The following HSH2D variants were observed in gnomAD, a reference collection of about 807,000 sequenced individuals.
HSH2D encodes the protein hematopoietic SH2 domain containing, also known as hematopoietic SH2 domain-containing protein.
Under a neutral mutation model 21.5 loss-of-function variants are expected in HSH2D, and 16 were observed. The observed-to-expected ratio is 0.74, with a 90% confidence interval of 0.50 to 1.13. HSH2D has a LOEUF of 1.13. Among genes scored for constraint, HSH2D ranks in the 50% most tolerant of loss-of-function variants. The pLI, the probability that HSH2D is intolerant of heterozygous loss-of-function variation, is 0.00. For synonymous variants in HSH2D, 172 were observed against 184.7 expected (o/e 0.93, Z 0.56); for missense variants, 418 against 441.4 (o/e 0.95, Z 0.47).
intron 1 of HSH2D, among the ~76,000 whole-genome samples, chr19:16,146,132 C>G (rs557656722): frequency 6.6e-6 from 1 of 151,494 alleles, no homozygotes; most frequent in African/African-American, 2.4e-5. Flanking sequence ...AAGGAACTAT[C>G]TAGCAAGATA....
In HSH2D at chr19:16,157,320, T is replaced by G; in HGVS notation, c.585T>G (p.Pro195=). The change falls in exon 6 of 6, where the codon CCT becomes CCG. Residue 195 remains proline, a synonymous_variant. Coordinates refer to ENST00000613986, the MANE Select transcript of HSH2D (RefSeq NM_001382417.1). The surrounding 1 kb of genome is among the most constrained non-coding windows in gnomAD (Gnocchi z 4.4). ...EATSSCPPKS[P]LGETRQKLWR... is the part of the protein sequence containing the mutation. ...CTTCCTCCTGCCCCCCAAAATCCCC[T>G]CTTGGAGAGACCCGCCAGAAACTCT... The G allele has an allele frequency of 6.2e-7, 1 of 1,613,500 alleles. No homozygotes were observed. The highest frequency in any genetic ancestry group is 8.5e-7 in the Non-Finnish European group (1 of 1,179,780).
At chr19:16,148,213 A>G (rs2091098733) in intron 1 of HSH2D, among the ~76,000 whole-genome samples, 1 of 151,872 alleles carries the variant, frequency 6.6e-6, no homozygotes, top group Non-Finnish European at 1.5e-5. Flanking sequence ...CAGTGGCATG[A>G]TCTTGGCTCA....
upstream of HSH2D, among the ~76,000 whole-genome samples, chr19:16,141,418 G>T (rs1008726268): frequency 5.3e-5 from 8 of 152,202 alleles, no homozygotes; most frequent in African/African-American, 1.9e-4. Flanking sequence ...AAGTAGTTTT[G>T]TTTGTCTGCC....
At position 16,156,146 on chromosome 19, in the gene HSH2D, G is replaced by A. The variant is rs190518993; in HGVS notation, c.475-1064G>A. ...AGAGGAGAGGATTGCTTGAGGCCAGGACTTTGAGACCAGCCTGGGCAACAC... is the reference window on the plus strand; with the variant it reads ...AGAGGAGAGGATTGCTTGAGGCCAGAACTTTGAGACCAGCCTGGGCAACAC... On this transcript the variant is annotated intron_variant, in intron 5 of 5. Coordinates refer to ENST00000613986, the MANE Select transcript of HSH2D (RefSeq NM_001382417.1). Among the ~76,000 whole-genome samples the A allele has an allele frequency of 2.6e-3, 396 of 152,066 alleles. 2 individuals are homozygous for A. Among genetic ancestry groups the A allele is most frequent in the African/African-American group, 9.3e-3 (384 of 41,502 alleles).
In HSH2D at chr19:16,157,787, A is replaced by T; in HGVS notation, c.1052A>T (p.Tyr351Phe). 6.3e-7 allele frequency: 1 copy of T among 1,596,794 alleles called. No homozygotes were observed. Among genetic ancestry groups the T allele is most frequent in the South Asian group, 1.1e-5 (1 of 89,512 alleles). The change falls in exon 6 of 6, where the codon TAC becomes TTC. Residue 351 changes from tyrosine (Y) to phenylalanine (F), a missense_variant. By Grantham distance (22) the Tyr-to-Phe change is conservative (BLOSUM62 3). Coordinates refer to ENST00000613986, the MANE Select transcript of HSH2D (RefSeq NM_001382417.1). This position sits in a 1 kb window ranked among gnomAD's most constrained non-coding sequence, Gnocchi z 4.4. ...CAACCGCCACCCTTTGCCCCTGGGT[A>T]CTGCTAGAGAACAGGTCCACCCTGG... ...YQQPPPFAPG[Y>F]C
upstream of HSH2D, among the ~76,000 whole-genome samples, chr19:16,142,788 CG>C (rs34883332): frequency 6.8e-6 from 1 of 147,278 alleles, no homozygotes; most frequent in East Asian, 2.0e-4. Flanking sequence ...GTTTGTTTTG[CG>C]GGGGACAGAA....
upstream of HSH2D, among the ~76,000 whole-genome samples, chr19:16,140,695 C>G (rs1157042058): frequency 2.6e-5 from 4 of 151,970 alleles, no homozygotes; most frequent in Admixed American, 2.0e-4. Flanking sequence ...CGAGACCAAC[C>G]TGGCAACATG....
At chr19:16,143,373 C>T (rs964328821), upstream of HSH2D, among the ~76,000 whole-genome samples, 1 of 152,138 alleles carries the variant, frequency 6.6e-6, no homozygotes, top group African/African-American at 2.4e-5. Context: ...TGTGAGCCAC[C>T]GCACCCGTTC....
At chr19:16,153,004 G>A (rs944031593) in intron 3 of HSH2D, 39 bp from the exon 4 acceptor site, 3 of 1,592,330 alleles carry the variant, frequency 1.9e-6, no homozygotes, top group Non-Finnish European at 2.6e-6. Flanking sequence ...CAGGGATGAG[G>A]GGGAGTAGGA....
intron 1 of HSH2D, among the ~76,000 whole-genome samples, chr19:16,146,594 C>T (rs1206628133): frequency 2.0e-5 from 3 of 151,992 alleles, no homozygotes; most frequent in Non-Finnish European, 4.4e-5. Context: ...GGGAGGATTG[C>T]TTGAGCCTAG....
Position 16,157,344 on chromosome 19 carries a change from C to G in HSH2D, c.609C>G (p.Leu203=). The change falls in exon 6 of 6, where the codon CTC becomes CTG. Residue 203 remains leucine, a synonymous_variant. Transcript: ENST00000613986. The surrounding 1 kb of genome is among the most constrained non-coding windows in gnomAD (Gnocchi z 4.4). ...CTCTTGGAGAGACCCGCCAGAAACT[C>G]TGGAGGAGCCTCAAAATGCTCCCCG... ...KSPLGETRQK[L]WRSLKMLPER... 1 of 1,613,948 alleles carries G rather than the reference C, an allele frequency of 6.2e-7. No individual in the cohort carries two copies. Among genetic ancestry groups the G allele is most frequent in the Non-Finnish European group, 8.5e-7 (1 of 1,179,864 alleles).
chr19:16,154,103 G>T lies in HSH2D; in HGVS notation c.382-296G>T, dbSNP rs190214771. ...TAGGACTCAGTGGGCCTGACCTAGCGCCCAAGAAACTGTTGTGGGCGGGGC... is the reference window on the plus strand; with the variant it reads ...TAGGACTCAGTGGGCCTGACCTAGCTCCCAAGAAACTGTTGTGGGCGGGGC... On this transcript the variant is annotated intron_variant, in intron 4 of 5. Coordinates refer to ENST00000613986, the MANE Select transcript of HSH2D (RefSeq NM_001382417.1). Among the ~76,000 whole-genome samples, 306 of 112,416 alleles carry T rather than the reference G, an allele frequency of 2.7e-3. 2 individuals are homozygous for T. The highest frequency in any genetic ancestry group is 9.2e-3 in the African/African-American group (296 of 32,320). The allele number at this position is 112,416 out of a possible 152,430, so 73.7% of individuals were successfully genotyped here.
At chr19:16,146,333 CGTT>C (rs1344598627) in intron 1 of HSH2D, among the ~76,000 whole-genome samples, 5 of 152,038 alleles carry the variant, frequency 3.3e-5, no homozygotes. Context: ...CGTGTAGTGA[CGTT>C]GGTGGCAGAA....
chr19:16,148,981 G>T lies in HSH2D; in HGVS notation c.125+106G>T. 4 of 1,276,928 alleles carry T rather than the reference G, an allele frequency of 3.1e-6. No homozygotes were observed. In the East Asian group the frequency reaches 9.9e-5, roughly 31 times the overall value. 79.1% of individuals were successfully genotyped at this position (1,276,928 alleles called of 1,614,324 possible). ...AGAATTCTGGACTTGGCTCAGCTCA[G>T]TGTGGCAAGAGGCTAAAATGAGCTC... On this transcript the variant is annotated intron_variant, in intron 2 of 5. Coordinates refer to ENST00000613986, the MANE Select transcript of HSH2D (RefSeq NM_001382417.1).
rs1254368415 is a variant in HSH2D, at chr19:16,153,146, A to G, written c.319A>G (p.Thr107Ala). 3.2e-6 allele frequency: 5 copies of G among 1,583,584 alleles called. No homozygotes were observed. Among genetic ancestry groups the G allele is most frequent in the Non-Finnish European group, 4.3e-6 (5 of 1,166,102 alleles). Reference protein sequence around the residue: ...VAHTSLDALVTFHQQKPIEPR... With the variant: ...VAHTSLDALVAFHQQKPIEPR... The stretch of plus-strand genomic sequence containing the variant: ...CCACACCTCGCTGGACGCCCTGGTC[A>G]CCTTCCACCAGCAGAAGCCAATTGA... The change falls in exon 4 of 6, where the codon ACC (threonine) becomes GCC (alanine). Residue 107 changes from threonine (T) to alanine (A), a missense_variant. By Grantham distance (58) the Thr-to-Ala change is moderately conservative. Coordinates refer to ENST00000613986, the MANE Select transcript of HSH2D (RefSeq NM_001382417.1).
chr19:16,155,407 CA>C (rs2091224121), intron 5 of HSH2D, among the ~76,000 whole-genome samples: 1 of 151,874 alleles, frequency 6.6e-6, no homozygotes, highest in African/African-American at 2.4e-5. Flanking sequence ...ATGGCACTTG[CA>C]AAAGTCCTGG....
intron 2 of HSH2D, among the ~76,000 whole-genome samples, chr19:16,151,284 C>T (rs1484244686): frequency 2.1e-5 from 3 of 142,338 alleles, no homozygotes; most frequent in Non-Finnish European, 3.0e-5. Flanking sequence ...AAGATTGCAT[C>T]ATTGCACTCC....
rs2091259180 is a variant in HSH2D, at chr19:16,157,908, C to T, written c.*114C>T. 6 of 740,070 alleles carry T rather than the reference C, an allele frequency of 8.1e-6. No homozygotes were observed. Among genetic ancestry groups the T allele is most frequent in the South Asian group, 3.8e-5 (2 of 53,168 alleles). 45.8% of individuals were successfully genotyped at this position (740,070 alleles called of 1,614,324 possible). ...TGGCATCCGGGGGTCTTCGGGAACCCGGGAAATGGAATAAAGATGTTTTTG... is the reference window on the plus strand; with the variant it reads ...TGGCATCCGGGGGTCTTCGGGAACCTGGGAAATGGAATAAAGATGTTTTTG... On this transcript the variant is annotated 3_prime_UTR_variant, in exon 6 of 6. Coordinates refer to ENST00000613986, the MANE Select transcript of HSH2D (RefSeq NM_001382417.1). The surrounding 1 kb of genome is among the most constrained non-coding windows in gnomAD (Gnocchi z 4.4).
chr19:16,143,833 C>A, intron 1 of HSH2D, 59 bp downstream of exon 1: 1 of 374,932 alleles, frequency 2.7e-6, no homozygotes. Flanking sequence ...TGGGCTAGGC[C>A]AGAAGGAGGG....
Sources: gnomAD v4.1 joint callset for allele counts (sites outside exome capture counted in the v4.1 genomes callset) on GRCh38, gnomAD v4.1.1 for gene constraint, Gnocchi (gnomAD v3.1) non-coding constraint, MANE v1.5 for transcripts, NCBI Gene and HGNC (gene_info 2026-07-23, HGNC 2026-07-21) for gene names.